Variants in ADAMTS6 observed in about 807,000 individuals in gnomAD.
ADAMTS6 encodes the protein ADAM metallopeptidase with thrombospondin type 1 motif 6.
A neutral mutation model predicts 144.3 loss-of-function variants in ADAMTS6; 23 were observed. That is an observed-to-expected ratio of 0.16 (90% confidence interval 0.11 to 0.23). The LOEUF (loss-of-function observed/expected upper bound fraction) is 0.23. Ranked by LOEUF, ADAMTS6 falls within the 10% of genes least tolerant of loss-of-function variation. ADAMTS6 has a pLI of 1.00. For missense variants in ADAMTS6, 999 were observed against 1,379.6 expected, an observed-to-expected ratio of 0.72 and a Z score of 4.37; for synonymous variants, 444 against 457.5, an observed-to-expected ratio of 0.97 and a Z score of 0.38.
intron 9 of ADAMTS6, among the ~76,000 whole-genome samples, chr5:65,310,736 A>G (rs1181984852): frequency 1.3e-5 from 2 of 152,218 alleles, no homozygotes; most frequent in Non-Finnish European, 2.9e-5. Context: ...TATTTAAAGA[A>G]AAGCAGATTT....
intron 2 of ADAMTS6, among the ~76,000 whole-genome samples, chr5:65,472,293 A>G (rs1467139955): frequency 2.6e-5 from 4 of 152,146 alleles, no homozygotes; most frequent in African/African-American, 9.7e-5. Flanking sequence ...TTTGGAGGGA[A>G]TTTGGAAGTG....
chr5:65,468,449 A>AG (rs1466004957), intron 3 of ADAMTS6, among the ~76,000 whole-genome samples: 2 of 151,840 alleles, frequency 1.3e-5, no homozygotes, highest in Admixed American at 6.5e-5. Flanking sequence ...AAAAAAAAAA[A>AG]AAAAAAGTAA....
At chr5:65,289,301 G>A (rs748416589) in intron 11 of ADAMTS6, among the ~76,000 whole-genome samples, 58 of 152,172 alleles carry the variant, frequency 3.8e-4, no homozygotes, top group Non-Finnish European at 7.5e-4. Flanking sequence ...TTGGGAGGCC[G>A]AGGCGGGCTG....
At chr5:65,293,212 ATC>A (rs1465658572) in intron 10 of ADAMTS6, among the ~76,000 whole-genome samples, 2 of 152,076 alleles carry the variant, frequency 1.3e-5, no homozygotes, top group Admixed American at 6.6e-5. Flanking sequence ...CTTCTAAAAT[ATC>A]TGTTTCATTT....
At chr5:65,378,234 T>C (rs1379964512) in intron 7 of ADAMTS6, among the ~76,000 whole-genome samples, 4 of 152,184 alleles carry the variant, frequency 2.6e-5, no homozygotes, top group Admixed American at 2.6e-4. Context: ...AACTGTTGCT[T>C]CAAATATAAA....
Position 65,398,240 on chromosome 5 carries a change from A to G in ADAMTS6, c.1073+53235T>C, listed in dbSNP as rs987812319. 3.9e-5 allele frequency among the ~76,000 whole-genome samples: 6 copies of G among 152,216 alleles called. No individual in the cohort carries two copies. The South Asian group carries it at 8.3e-4, about 21-fold the overall frequency. On this transcript the variant is annotated intron_variant, in intron 7 of 24. Coordinates refer to ENST00000381055, the MANE Select transcript of ADAMTS6 (RefSeq NM_197941.4). The stretch of plus-strand genomic sequence containing the variant: ...TAGAGGGGTGCTGAAGTCTTCAACT[A>G]TAACAGTAGATTCATTTATTTCTCC...
In ADAMTS6 at chr5:65,408,608, G is replaced by A. The variant is rs1754781127; in HGVS notation, c.1073+42867C>T. On this transcript the variant is annotated intron_variant, in intron 7 of 24. Coordinates refer to ENST00000381055, the MANE Select transcript of ADAMTS6 (RefSeq NM_197941.4). ...AGATCAACAAGACAGAAAGTTAACA[G>A]AGATATCCAGGACTTGAACTCAGCT... Among the ~76,000 whole-genome samples the A allele has an allele frequency of 3.3e-5, 5 of 152,048 alleles. No individual in the cohort carries two copies. In the South Asian group the frequency reaches 8.3e-4, roughly 25 times the overall value.
chr5:65,451,408 A>C (rs1758729638), intron 7 of ADAMTS6, 67 bp downstream of exon 7: 2 of 1,592,822 alleles, frequency 1.3e-6, no homozygotes, highest in Non-Finnish European at 1.7e-6. Context: ...CTTTACATAG[A>C]ACCAAATTTA....
At chr5:65,276,202 T>C (rs1037040081) in intron 11 of ADAMTS6, among the ~76,000 whole-genome samples, 8 of 152,198 alleles carry the variant, frequency 5.3e-5, no homozygotes, top group African/African-American at 1.9e-4. Flanking sequence ...CTCTTACCTT[T>C]TAGAGAATGA....
At chr5:65,265,742 C>T (rs1482143377) in intron 12 of ADAMTS6, among the ~76,000 whole-genome samples, 1 of 151,886 alleles carries the variant, frequency 6.6e-6, no homozygotes, top group Non-Finnish European at 1.5e-5. Context: ...GAATCTAAAG[C>T]TCAAAGGAAC....
At chr5:65,158,248 C>CA (rs1371574143) in intron 24 of ADAMTS6, among the ~76,000 whole-genome samples, 1 of 152,114 alleles carries the variant, frequency 6.6e-6, no homozygotes, top group East Asian at 1.9e-4. Context: ...CATTAAAACC[C>CA]AAATGCAGTA....
intron 7 of ADAMTS6, among the ~76,000 whole-genome samples, chr5:65,364,814 C>G (rs1470542126): frequency 6.6e-6 from 1 of 152,054 alleles, no homozygotes; most frequent in Non-Finnish European, 1.5e-5. Context: ...GATCTGCCCG[C>G]CTCAGCCTCC....
chr5:65,382,293 A>G (rs1178258431), intron 7 of ADAMTS6, among the ~76,000 whole-genome samples: 1 of 152,214 alleles, frequency 6.6e-6, no homozygotes, highest in Non-Finnish European at 1.5e-5. Flanking sequence ...TTTCTAATAA[A>G]TGTTTAGATA....
chr5:65,194,559 C>G (rs1034528319), intron 21 of ADAMTS6, among the ~76,000 whole-genome samples: 5 of 152,024 alleles, frequency 3.3e-5, no homozygotes, highest in Non-Finnish European at 7.4e-5. Context: ...GGATGTAATC[C>G]CACCACAAGT....
At chr5:65,460,892 T>C (rs564915616) in intron 3 of ADAMTS6, among the ~76,000 whole-genome samples, 29 of 152,312 alleles carry the variant, frequency 1.9e-4, no homozygotes, top group African/African-American at 7.0e-4. Flanking sequence ...AGATGTCTGA[T>C]GTAGACACAG....
intron 9 of ADAMTS6, among the ~76,000 whole-genome samples, chr5:65,327,670 T>A (rs1302355158): frequency 6.6e-6 from 1 of 152,190 alleles, no homozygotes; most frequent in Non-Finnish European, 1.5e-5. Context: ...GATTTACCTA[T>A]AAGGCCAACA....
At chr5:65,313,128 AACACACACACACACACACACACAC>A (rs61525269) in intron 9 of ADAMTS6, among the ~76,000 whole-genome samples, 6,811 of 135,836 alleles carry the variant, frequency 0.05, 204 homozygotes, top group East Asian at 0.12. Flanking sequence ...TTATTTCTGC[AACACACACACACACACACACACAC>A]ACACACACAC....
intron 14 of ADAMTS6, among the ~76,000 whole-genome samples, chr5:65,258,493 T>C (rs1008906941): frequency 3.2e-4 from 49 of 152,262 alleles, no homozygotes; most frequent in African/African-American, 1.1e-3. Context: ...TGGGGAGCCA[T>C]TGAGGGGTTT....
At chr5:65,154,657 A>C (rs954741540) in intron 24 of ADAMTS6, among the ~76,000 whole-genome samples, 1 of 152,190 alleles carries the variant, frequency 6.6e-6, no homozygotes, top group Non-Finnish European at 1.5e-5. Context: ...CTTCATCTCC[A>C]AAATAAAGAC....
Sources: gnomAD v4.1 joint callset for allele counts (sites outside exome capture counted in the v4.1 genomes callset) on GRCh38, gnomAD v4.1.1 for gene constraint, MANE v1.5 for transcripts, NCBI Gene and HGNC (gene_info 2026-07-23, HGNC 2026-07-21) for gene names.